INPP5A: variants seen among roughly 807,000 people sequenced by gnomAD.
The protein encoded by INPP5A is 43 kDa inositol polyphosphate 5-phophatase.
INPP5A carries 14 observed loss-of-function variants against 65.2 expected under a neutral mutation model. The observed-to-expected ratio is 0.21, with a 90% CI of 0.14 to 0.34. The LOEUF (loss-of-function observed/expected upper bound fraction) is 0.34, where lower values mean the gene tolerates loss of function less well. Among genes scored for constraint, INPP5A ranks in the 10% least tolerant of loss-of-function variants. The pLI, the probability that INPP5A is intolerant of heterozygous loss-of-function variation, is 1.00. For missense variants in INPP5A, 431 were observed against 545.6 expected, an observed-to-expected ratio of 0.79 and a Z score of 2.09; for synonymous variants, 207 against 208.3, an observed-to-expected ratio of 0.99 and a Z score of 0.05.
At chr10:132,582,525 C>T (rs2071497667) in intron 1 of INPP5A, among the ~76,000 whole-genome samples, 1 of 151,722 alleles carries the variant, frequency 6.6e-6, no homozygotes, top group South Asian at 2.1e-4. Flanking sequence ...TCAAGCGATC[C>T]TCCCACCTTA....
chr10:132,742,350 G>A (rs551329888), intron 9 of INPP5A, among the ~76,000 whole-genome samples: 1 of 152,240 alleles, frequency 6.6e-6, no homozygotes, highest in Non-Finnish European at 1.5e-5. Context: ...CCAGCTCTCA[G>A]AGGCGACACC....
chr10:132,596,132 G>A (rs769199491), intron 1 of INPP5A, among the ~76,000 whole-genome samples: 1 of 152,056 alleles, frequency 6.6e-6, no homozygotes, highest in Non-Finnish European at 1.5e-5. Flanking sequence ...TTAACCAAAC[G>A]TGGCTGTACC....
At position 132,616,643 on chromosome 10, in the gene INPP5A, A is replaced by G. The variant is rs978034513; in HGVS notation, c.117+8687A>G. Among the ~76,000 whole-genome samples the G allele has an allele frequency of 1.3e-5, 2 of 151,534 alleles. No individual in the cohort carries two copies. Among genetic ancestry groups the G allele is most frequent in the Non-Finnish European group, 2.9e-5 (2 of 67,846 alleles). On this transcript the variant is annotated intron_variant, in intron 2 of 15. Coordinates refer to ENST00000368594, the MANE Select transcript of INPP5A (RefSeq NM_005539.5). This position sits in a 1 kb window ranked among gnomAD's most constrained non-coding sequence, Gnocchi z 4.9. ...TGGTGACATGGGACATGGTAGTGAC[A>G]TGGGACATGGTGACAGGGTAGGGTG...
At chr10:132,647,475 TA>T (rs935098656) in intron 3 of INPP5A, among the ~76,000 whole-genome samples, 1 of 152,158 alleles carries the variant, frequency 6.6e-6, no homozygotes, top group Admixed American at 6.5e-5. Context: ...CTCAACAAAC[TA>T]ATACTAAAAT....
intron 1 of INPP5A, among the ~76,000 whole-genome samples, chr10:132,599,382 A>G (rs1313529290): frequency 5.3e-5 from 8 of 151,950 alleles, no homozygotes; most frequent in African/African-American, 1.9e-4. Context: ...TTAAAGCTCC[A>G]AAATGATCTC....
rs369649209 is a variant in INPP5A, at chr10:132,711,969, C to G, written c.647+1513C>G. The stretch of plus-strand genomic sequence containing the variant: ...CATGTGGAGGGGTCCGTGGGTGGGG[C>G]CCCTGCCCCAGAGTCATGTGTGGTA... On this transcript the variant is annotated intron_variant, in intron 8 of 15. Transcript: ENST00000368594. 1.6e-4 allele frequency among the ~76,000 whole-genome samples: 24 copies of G among 152,314 alleles called. No homozygotes were observed. The East Asian group carries it at 4.3e-3, about 27-fold the overall frequency.
chr10:132,732,945 G>A (rs1479452898), intron 9 of INPP5A, among the ~76,000 whole-genome samples: 3 of 152,144 alleles, frequency 2.0e-5, no homozygotes, highest in African/African-American at 7.2e-5. Flanking sequence ...CCACAGGCTG[G>A]GTGGCTTACA....
At chr10:132,569,216 C>G (rs542569252) in intron 1 of INPP5A, among the ~76,000 whole-genome samples, 2 of 152,202 alleles carry the variant, frequency 1.3e-5, no homozygotes, top group African/African-American at 4.8e-5. Context: ...CTTATACTTT[C>G]TACATGTTTT....
At chr10:132,557,130 G>A (rs539513448) in intron 1 of INPP5A, among the ~76,000 whole-genome samples, 2 of 152,226 alleles carry the variant, frequency 1.3e-5, no homozygotes, top group Non-Finnish European at 2.9e-5. Context: ...CCTAAAGGCC[G>A]ACGGGCCCGG....
rs190075615 is a variant in INPP5A at position 132,720,969 on chromosome 10, G to A, written c.648-5852G>A. On this transcript the variant is annotated intron_variant, in intron 8 of 15. Coordinates refer to ENST00000368594, the MANE Select transcript of INPP5A (RefSeq NM_005539.5). ...TGGGCGCCTTAGACGGCTGTCTTGCGGGTTCTGTGGTGCCTGGGTTCTGTC... is the reference window on the plus strand; with the variant it reads ...TGGGCGCCTTAGACGGCTGTCTTGCAGGTTCTGTGGTGCCTGGGTTCTGTC... 4.2e-3 allele frequency among the ~76,000 whole-genome samples: 637 copies of A among 150,372 alleles called. 3 individuals are homozygous for A. The highest frequency in any genetic ancestry group is 3.6e-3 in the Non-Finnish European group (244 of 67,634).
intron 1 of INPP5A, among the ~76,000 whole-genome samples, chr10:132,571,856 AGG>A (rs2071345346): frequency 6.6e-6 from 1 of 152,186 alleles, no homozygotes; most frequent in Non-Finnish European, 1.5e-5. Flanking sequence ...TGGAGGGGGC[AGG>A]GTGTGAACTG....
At chr10:132,576,347 G>A (rs1442097252) in intron 1 of INPP5A, among the ~76,000 whole-genome samples, 4 of 152,236 alleles carry the variant, frequency 2.6e-5, no homozygotes, top group South Asian at 4.1e-4. Flanking sequence ...TTCAGAATGC[G>A]GGCTTGGACA....
At chr10:132,701,766 G>T (rs2134508347) in intron 6 of INPP5A, among the ~76,000 whole-genome samples, 1 of 152,360 alleles carries the variant, frequency 6.6e-6, no homozygotes, top group South Asian at 2.1e-4. Flanking sequence ...CCCCACCCCA[G>T]CCCTGGCTGC....
chr10:132,755,087 A>G (rs1028796449), intron 11 of INPP5A, among the ~76,000 whole-genome samples: 1 of 151,676 alleles, frequency 6.6e-6, no homozygotes, highest in Non-Finnish European at 1.5e-5. Context: ...ATATGTGCAT[A>G]TGCATGTGAG....
rs528681579 is a variant in INPP5A, at chr10:132,575,618, C to T, written c.76-32297C>T. 1.6e-4 allele frequency among the ~76,000 whole-genome samples: 25 copies of T among 152,304 alleles called. No individual in the cohort carries two copies. Among genetic ancestry groups the T allele is most frequent in the Non-Finnish European group, 1.5e-5 (1 of 68,024 alleles). ...ATTTCTTGGCTTCTCTGTGGAAGTG[C>T]GTTTATTTGAAATCCGTAAACAGTG... On this transcript the variant is annotated intron_variant, in intron 1 of 15. Coordinates refer to ENST00000368594, the MANE Select transcript of INPP5A (RefSeq NM_005539.5). This position sits in a 1 kb window ranked among gnomAD's most constrained non-coding sequence, Gnocchi z 5.4.
In INPP5A at chr10:132,759,932, C is replaced by G. The variant is rs541813688; in HGVS notation, c.904-5841C>G. On this transcript the variant is annotated intron_variant, in intron 11 of 15. Transcript: ENST00000368594. Reference sequence around the variant, plus strand: ...CCCGGTGCATTCACCAGGCTGGGGACACTCACTCAGGGCTGCGGCCTCACG... The same window carrying G: ...CCCGGTGCATTCACCAGGCTGGGGAGACTCACTCAGGGCTGCGGCCTCACG... 3.3e-5 allele frequency among the ~76,000 whole-genome samples: 5 copies of G among 152,308 alleles called. No homozygotes were observed. In the South Asian group the frequency reaches 1.0e-3, roughly 32 times the overall value.
chr10:132,611,580 G>C (rs1200054714), intron 2 of INPP5A, among the ~76,000 whole-genome samples: 1 of 127,542 alleles, frequency 7.8e-6, no homozygotes, highest in Non-Finnish European at 1.7e-5. Context: ...GAGAGGCCCT[G>C]TCAGGGGAGG....
chr10:132,726,832 A>G lies in INPP5A; in HGVS notation c.659A>G (p.Gln220Arg), dbSNP rs1845994202. ...CTTTTTCTTTCCAGAATCATTGATC[A>G]GCGATTCGAGAAGGTTTCCTACTTT... Reference protein sequence around the residue: ...LGYVLDRIIDQRFEKVSYFVF... With the variant: ...LGYVLDRIIDRRFEKVSYFVF... The change falls in exon 9 of 16, where the codon CAG becomes CGG. Residue 220 changes from glutamine to arginine, a missense_variant. Gln to Arg is a conservative substitution (Grantham distance 43). Coordinates refer to ENST00000368594, the MANE Select transcript of INPP5A (RefSeq NM_005539.5). 3.1e-6 allele frequency: 5 copies of G among 1,602,140 alleles called. No homozygotes were observed. The highest frequency in any genetic ancestry group is 1.7e-4 in the Middle Eastern group (1 of 6,010).
At chr10:132,755,400 G>C (rs960910855) in intron 11 of INPP5A, among the ~76,000 whole-genome samples, 1 of 151,674 alleles carries the variant, frequency 6.6e-6, no homozygotes, top group Non-Finnish European at 1.5e-5. Flanking sequence ...AGGTGTGAGC[G>C]AGTGTGTGTG....
Sources: allele counts gnomAD v4.1 joint callset (sites outside exome capture counted in the v4.1 genomes callset), GRCh38; gene constraint gnomAD v4.1.1; non-coding constraint Gnocchi (gnomAD v3.1); transcripts MANE v1.5; gene names NCBI Gene and HGNC (gene_info 2026-07-23, HGNC 2026-07-21).